The following RALGPS1 variants were observed in gnomAD, a reference collection of about 807,000 sequenced individuals.
The protein encoded by RALGPS1 is Ral GEF with PH domain and SH3 binding motif 1, also known as ras-specific guanine nucleotide-releasing factor RalGPS1.
In RALGPS1, 19 loss-of-function variants were observed where a neutral mutation model predicts 78.8. The ratio of observed to expected loss-of-function variants is 0.24; its 90% confidence interval spans 0.17 to 0.35. The LOEUF (loss-of-function observed/expected upper bound fraction) is 0.35. Ranked by LOEUF, RALGPS1 falls within the 10% of genes least tolerant of loss-of-function variation. The pLI is 1.00. For synonymous variants in RALGPS1, 228 were observed against 256.3 expected (o/e 0.89, Z 1.06); for missense variants, 454 against 688.3 (o/e 0.66, Z 3.81).
intron 7 of RALGPS1, among the ~76,000 whole-genome samples, chr9:127,060,330 T>A (rs1458685382): frequency 6.6e-6 from 1 of 152,174 alleles, no homozygotes; most frequent in East Asian, 1.9e-4. Context: ...TGACCTGCAT[T>A]TGTGTGGGGA....
chr9:127,070,225 G>A (rs887056975), intron 8 of RALGPS1, among the ~76,000 whole-genome samples: 2 of 152,234 alleles, frequency 1.3e-5, no homozygotes, highest in Admixed American at 6.5e-5. Flanking sequence ...TGCTGCCACT[G>A]ATCTGACAGT....
At chr9:126,993,324 A>G (rs1260277290) in intron 4 of RALGPS1, among the ~76,000 whole-genome samples, 1 of 152,146 alleles carries the variant, frequency 6.6e-6, no homozygotes, top group South Asian at 2.1e-4. Flanking sequence ...GTAATGGGGA[A>G]TATTGATCCA....
At chr9:127,052,583 C>T (rs1008653231) in intron 6 of RALGPS1, among the ~76,000 whole-genome samples, 9 of 152,172 alleles carry the variant, frequency 5.9e-5, no homozygotes, top group South Asian at 2.1e-4. Flanking sequence ...AAAGAAAGAA[C>T]GTAATGCACA....
At chr9:127,095,389 C>G (rs2056334070) in intron 8 of RALGPS1, among the ~76,000 whole-genome samples, 2 of 152,160 alleles carry the variant, frequency 1.3e-5, no homozygotes, top group Admixed American at 1.3e-4. Flanking sequence ...CAGAGCAAGA[C>G]AAGACTCCGT....
At chr9:127,058,626 G>A (rs977759331) in intron 7 of RALGPS1, among the ~76,000 whole-genome samples, 2 of 152,184 alleles carry the variant, frequency 1.3e-5, no homozygotes, top group African/African-American at 2.4e-5. Flanking sequence ...CAACTGAGAA[G>A]CTAATGAAAC....
chr9:127,132,103 T>C (rs1326007297), intron 8 of RALGPS1, among the ~76,000 whole-genome samples: 1 of 152,180 alleles, frequency 6.6e-6, no homozygotes, highest in Non-Finnish European at 1.5e-5. Flanking sequence ...TGAGTGCAGA[T>C]GCTGGTTACG....
chr9:127,082,943 G>T lies in RALGPS1; in HGVS notation c.610+13587G>T, dbSNP rs148735328. On this transcript the variant is annotated intron_variant, in intron 8 of 18. Coordinates refer to ENST00000259351, the MANE Select transcript of RALGPS1 (RefSeq NM_014636.3). Reference sequence around the variant, plus strand: ...GGAAGGGCAGCGTACCCAGGAAGAGGCCCATCTGGGCACAGCCAGGTGTCA... The same window carrying T: ...GGAAGGGCAGCGTACCCAGGAAGAGTCCCATCTGGGCACAGCCAGGTGTCA... 2.7e-3 allele frequency among the ~76,000 whole-genome samples: 407 copies of T among 152,294 alleles called. 2 individuals are homozygous for T. Among genetic ancestry groups the T allele is most frequent in the Non-Finnish European group, 4.0e-3 (275 of 68,024 alleles).
At chr9:127,107,925 G>C in intron 8 of RALGPS1, 1 of 1,532,094 alleles carries the variant, frequency 6.5e-7, no homozygotes, top group Non-Finnish European at 8.8e-7. Context: ...CCGACGGCTT[G>C]TCGGTGGAAG....
intron 5 of RALGPS1, among the ~76,000 whole-genome samples, chr9:127,041,379 C>T (rs1228333263): frequency 4.6e-5 from 7 of 152,074 alleles, no homozygotes; most frequent in Non-Finnish European, 7.4e-5. Context: ...CCTGAGCCAC[C>T]GCACTCGGCT....
chr9:127,116,576 C>T (rs576885174), intron 8 of RALGPS1, among the ~76,000 whole-genome samples: 13 of 152,258 alleles, frequency 8.5e-5, no homozygotes, highest in African/African-American at 2.9e-4. Flanking sequence ...TGGAGCCCTA[C>T]AACTGGGAAA....
At chr9:127,168,826 G>C in intron 10 of RALGPS1, 54 bp downstream of exon 10, 1 of 1,446,010 alleles carries the variant, frequency 6.9e-7, no homozygotes, top group Non-Finnish European at 9.7e-7. Context: ...TTTGTCCTTA[G>C]TGCTCAGGTC....
intron 8 of RALGPS1, among the ~76,000 whole-genome samples, chr9:127,101,908 T>G (rs1483450105): frequency 6.6e-6 from 1 of 151,632 alleles, no homozygotes; most frequent in Non-Finnish European, 1.5e-5. Context: ...AAGTAACTTA[T>G]TTTTTTTTAA....
intron 4 of RALGPS1, among the ~76,000 whole-genome samples, chr9:127,033,722 C>T (rs2046622197): frequency 6.6e-6 from 1 of 152,186 alleles, no homozygotes; most frequent in African/African-American, 2.4e-5. Flanking sequence ...CAAGTAATCC[C>T]ATTAGATTGC....
At chr9:127,165,725 T>C (rs1220311647) in intron 8 of RALGPS1, among the ~76,000 whole-genome samples, 3 of 152,234 alleles carry the variant, frequency 2.0e-5, no homozygotes, top group African/African-American at 7.2e-5. Context: ...CTTAGACCTA[T>C]TAAACTTCAG....
intron 4 of RALGPS1, among the ~76,000 whole-genome samples, chr9:127,033,461 T>C (rs764231778): frequency 9.9e-5 from 15 of 152,238 alleles, no homozygotes; most frequent in Non-Finnish European, 1.5e-4. Context: ...GTATCTATTG[T>C]AGCTGCTGGG....
At chr9:126,976,253 G>C (rs1299355218) in intron 3 of RALGPS1, among the ~76,000 whole-genome samples, 1 of 151,830 alleles carries the variant, frequency 6.6e-6, no homozygotes, top group Admixed American at 6.6e-5. Flanking sequence ...CAGTACATGA[G>C]CCCATCTGTG....
intron 11 of RALGPS1, chr9:127,184,264 G>A (rs543569180): frequency 8.2e-6 from 4 of 485,312 alleles, no homozygotes; most frequent in Admixed American, 6.6e-5. Flanking sequence ...AGGCTACAGT[G>A]AGCCGTGATC....
At chr9:126,995,165 A>G (rs900442781) in intron 4 of RALGPS1, among the ~76,000 whole-genome samples, 4 of 152,226 alleles carry the variant, frequency 2.6e-5, no homozygotes, top group African/African-American at 4.8e-5. Flanking sequence ...GACAGGATCA[A>G]ATTCACACAT....
At chr9:126,989,792 A>C in intron 4 of RALGPS1, 2 of 1,455,324 alleles carry the variant, frequency 1.4e-6, no homozygotes, top group Non-Finnish European at 1.8e-6. Flanking sequence ...TGGGACACTT[A>C]CTCTAGAGGG....
Sources: gnomAD v4.1 joint callset for allele counts (sites outside exome capture counted in the v4.1 genomes callset) on GRCh38, gnomAD v4.1.1 for gene constraint, MANE v1.5 for transcripts, NCBI Gene and HGNC (gene_info 2026-07-23, HGNC 2026-07-21) for gene names.